Variants in ZNF430 observed in about 807,000 individuals in gnomAD.
ZNF430 encodes the protein zinc finger protein 430.
Under a neutral mutation model 56.7 loss-of-function variants are expected in ZNF430, and 35 were observed. The observed-to-expected ratio is 0.62, with a 90% CI of 0.47 to 0.82. ZNF430 has a LOEUF of 0.82. Among genes scored for constraint, ZNF430 ranks in the 40% least tolerant of loss-of-function variants. ZNF430 has a pLI of 0.00. For synonymous variants in ZNF430, 212 were observed against 224.3 expected, an observed-to-expected ratio of 0.94 and a Z score of 0.49; for missense variants, 574 against 661.0, an observed-to-expected ratio of 0.87 and a Z score of 1.44.
In ZNF430 at chr19:21,058,085, AGAG is replaced by A; in HGVS notation, c.*67_*69del. 3 of 1,429,550 alleles carry A rather than the reference AGAG, an allele frequency of 2.1e-6. No homozygotes were observed. The highest frequency in any genetic ancestry group is 2.9e-6 in the Non-Finnish European group (3 of 1,047,094). The allele number at this position is 1,429,550 out of a possible 1,614,324, so 88.6% of individuals were successfully genotyped here. A position where few individuals can be genotyped will look rare whatever the true frequency, so the allele number is the denominator to read the frequency against. On this transcript the variant is annotated 3_prime_UTR_variant, in exon 5 of 5. Transcript: ENST00000261560. ...CTAAACATAAGAACATTCATACTGA[AGAG>A]GAACCCTATGAGTGTGAAGAATATG...
chr19:21,047,265 A>C (rs540669370), intron 4 of ZNF430, among the ~76,000 whole-genome samples: 1 of 152,182 alleles, frequency 6.6e-6, no homozygotes, highest in East Asian at 1.9e-4. Context: ...GCTTCTTTGC[A>C]TTGGGTTAGA....
Position 21,021,823 on chromosome 19 carries a change from A to ATT in ZNF430, c.4-937_4-936dup, listed in dbSNP as rs71174785. ...TTTCAAAACGATGCGCCTGAGTTAG[A>ATT]TTTTTTTTTTTTTTTTTTTTTTTTT... On this transcript the variant is annotated intron_variant, in intron 1 of 4. Coordinates refer to ENST00000261560, the MANE Select transcript of ZNF430 (RefSeq NM_025189.4). 1.8e-3 allele frequency among the ~76,000 whole-genome samples: 158 copies of ATT among 85,692 alleles called. 19 individuals are homozygous for ATT. Among genetic ancestry groups the ATT allele is most frequent in the African/African-American group, 6.4e-3 (120 of 18,804 alleles). 56.2% of individuals were successfully genotyped at this position (85,692 alleles called of 152,430 possible).
intron 2 of ZNF430, 22 bp from the exon 3 acceptor site, chr19:21,033,434 C>T: frequency 6.2e-7 from 1 of 1,602,284 alleles, no homozygotes; most frequent in Non-Finnish European, 8.5e-7. Context: ...ATACGTGTGT[C>T]TTGTGTGCTT....
intron 4 of ZNF430, among the ~76,000 whole-genome samples, chr19:21,046,532 T>C (rs1038523023): frequency 7.2e-5 from 11 of 152,128 alleles, no homozygotes; most frequent in Non-Finnish European, 1.6e-4. Flanking sequence ...AAGGCAGGCC[T>C]GGTGGTGATG....
intron 2 of ZNF430, among the ~76,000 whole-genome samples, chr19:21,028,594 G>A (rs1418706906): frequency 2.0e-5 from 3 of 152,208 alleles, no homozygotes; most frequent in Non-Finnish European, 4.4e-5. Context: ...GATGTCCAGG[G>A]CAGAATTGTG....
chr19:21,021,199 T>G (rs1426997401), intron 1 of ZNF430, among the ~76,000 whole-genome samples: 1 of 152,058 alleles, frequency 6.6e-6, no homozygotes, highest in African/African-American at 2.4e-5. Context: ...TCCTCTTTTC[T>G]CCTATTAAAA....
At chr19:21,022,703 T>C (rs1336635175) in intron 1 of ZNF430, 86 bp from the exon 2 acceptor site, 2 of 983,192 alleles carry the variant, frequency 2.0e-6, no homozygotes, top group Non-Finnish European at 3.3e-6. Flanking sequence ...TTCAGTATTG[T>C]CTGGGGATAA....
intron 4 of ZNF430, chr19:21,035,929 A>C (rs1967990483): frequency 6.6e-6 from 1 of 152,264 alleles, no homozygotes; most frequent in African/African-American, 2.4e-5. Context: ...GATGTGAATG[A>C]GTATGGCGTT....
chr19:21,032,152 C>T (rs1967914563), intron 2 of ZNF430, among the ~76,000 whole-genome samples: 3 of 152,076 alleles, frequency 2.0e-5, no homozygotes, highest in Admixed American at 1.3e-4. Flanking sequence ...TCTCTATTAA[C>T]TCTATGCAGA....
At chr19:21,056,378 A>G (rs912842161) in intron 4 of ZNF430, among the ~76,000 whole-genome samples, 1 of 151,968 alleles carries the variant, frequency 6.6e-6, no homozygotes, top group Non-Finnish European at 1.5e-5. Flanking sequence ...AATCCCAGCT[A>G]CTTTGGAGGC....
chr19:21,056,495 A>G (rs1968379231), intron 4 of ZNF430, 136 bp from the exon 5 acceptor site: 1 of 647,750 alleles, frequency 1.5e-6, no homozygotes, highest in East Asian at 3.1e-5. Context: ...TCTAAAAAAA[A>G]AAAAAAATTA....
intron 4 of ZNF430, among the ~76,000 whole-genome samples, chr19:21,044,990 G>T (rs989539051): frequency 5.3e-5 from 8 of 151,882 alleles, no homozygotes; most frequent in African/African-American, 1.7e-4. Flanking sequence ...ACTCTAGTTA[G>T]TGTTCTATTT....
chr19:21,057,687 A>G lies in ZNF430; in HGVS notation c.1379A>G (p.Glu460Gly), dbSNP rs773173934. 6 of 1,610,234 alleles carry G rather than the reference A, an allele frequency of 3.7e-6. 1 individual carries two copies. The South Asian group carries it at 6.7e-5, about 18-fold the overall frequency. ...ACTGGAGAGAAACCCTACAAATGTG[A>G]AGAATGTGGCAAAGCCTTTAACCGG... ...IHTGEKPYKCEECGKAFNRSP... is the reference protein window; with the variant it reads ...IHTGEKPYKCGECGKAFNRSP... Residue 460 changes from glutamate to glycine, a missense_variant, in exon 5 of 5, where the codon GAA becomes GGA. This residue lies in a region of ZNF430 where 213 missense variants were observed against 221.0 expected (regional missense o/e 0.96). Transcript: ENST00000261560.
chr19:21,039,447 C>CTAGCTATTTATTTATT (rs1555802456), intron 4 of ZNF430, among the ~76,000 whole-genome samples: 4 of 129,042 alleles, frequency 3.1e-5, no homozygotes, highest in Non-Finnish European at 6.4e-5. Flanking sequence ...TTTACTTTTG[C>CTAGCTATTTATTTATT]TATTTATTTA....
chr19:21,028,454 G>A (rs1967843658), intron 2 of ZNF430, among the ~76,000 whole-genome samples: 1 of 152,128 alleles, frequency 6.6e-6, no homozygotes, highest in African/African-American at 2.4e-5. Context: ...ATTAGGTTCT[G>A]GAGCTCCACC....
intron 4 of ZNF430, among the ~76,000 whole-genome samples, chr19:21,042,527 C>T (rs548920295): frequency 1.3e-5 from 2 of 152,290 alleles, no homozygotes; most frequent in African/African-American, 4.8e-5. Context: ...GTGGCTCACA[C>T]CTGTAATCCC....
intron 4 of ZNF430, chr19:21,053,357 A>G (rs1189287625): frequency 6.6e-6 from 1 of 152,060 alleles, no homozygotes; most frequent in Non-Finnish European, 1.5e-5. Context: ...ATGGACCATC[A>G]CATATAGGTT....
At chr19:21,031,513 A>G (rs1243460951) in intron 2 of ZNF430, among the ~76,000 whole-genome samples, 1 of 151,992 alleles carries the variant, frequency 6.6e-6, no homozygotes, top group Non-Finnish European at 1.5e-5. Context: ...GAAAAGAGAA[A>G]CATACTTTTA....
chr19:21,057,638 C>G lies in ZNF430; in HGVS notation c.1330C>G (p.Leu444Val). The G allele has an allele frequency of 6.2e-7, 1 of 1,612,198 alleles. No individual in the cohort carries two copies. The highest frequency in any genetic ancestry group is 1.1e-5 in the South Asian group (1 of 90,730). The change falls in exon 5 of 5, where the codon CTT (leucine) becomes GTT (valine). Residue 444 changes from leucine to valine, a missense_variant. Leu to Val is a conservative substitution (Grantham distance 32). Transcript: ENST00000261560. ...CGKAFNESSN[L>V]TAHKIIHTGE... The stretch of plus-strand genomic sequence containing the variant: ...CAAAGCTTTTAATGAGTCCTCAAAC[C>G]TTACTGCACATAAGATAATTCATAC...
Sources: allele counts gnomAD v4.1 joint callset (sites outside exome capture counted in the v4.1 genomes callset), GRCh38; gene constraint gnomAD v4.1.1; regional missense constraint gnomAD v4.1.1; transcripts MANE v1.5; gene names NCBI Gene and HGNC (gene_info 2026-07-23, HGNC 2026-07-21).